The following PTPRT variants were observed in gnomAD, a reference collection of about 807,000 sequenced individuals.
The protein encoded by PTPRT is receptor-type tyrosine-protein phosphatase T.
A neutral mutation model predicts 176.8 loss-of-function variants in PTPRT; 56 were observed. The observed-to-expected ratio is 0.32, with a 90% CI of 0.26 to 0.40. The LOEUF (loss-of-function observed/expected upper bound fraction) is 0.40, where lower values mean the gene tolerates loss of function less well. PTPRT is among the 10% of genes least tolerant of loss of function. PTPRT has a pLI of 1.00. For missense variants in PTPRT, 1,540 were observed against 1,908.2 expected (o/e 0.81, Z 3.60); for synonymous variants, 783 against 739.0 (o/e 1.06, Z -0.96).
chr20:42,672,211 T>A (rs981500764), intron 7 of PTPRT, among the ~76,000 whole-genome samples: 2 of 152,202 alleles, frequency 1.3e-5, no homozygotes, highest in African/African-American at 4.8e-5. Context: ...ACCCTCAATC[T>A]GGGTGAACAC....
At chr20:42,606,500 T>C (rs6102936) in intron 7 of PTPRT, among the ~76,000 whole-genome samples, 19,681 of 152,268 alleles carry the variant, frequency 0.13, 1,341 homozygotes, top group South Asian at 0.15. Context: ...GCCATTCATA[T>C]AATACCTTTT....
At chr20:42,671,520 T>G (rs925920687) in intron 7 of PTPRT, among the ~76,000 whole-genome samples, 2 of 152,218 alleles carry the variant, frequency 1.3e-5, no homozygotes, top group African/African-American at 4.8e-5. Flanking sequence ...GCATGAACTC[T>G]GAAATGGGAT....
intron 2 of PTPRT, among the ~76,000 whole-genome samples, chr20:42,837,177 G>C (rs1222492116): frequency 3.3e-5 from 5 of 152,222 alleles, no homozygotes; most frequent in African/African-American, 1.2e-4. Flanking sequence ...CCTGGATTCA[G>C]CTCCAGTTCT....
chr20:42,218,494 T>C (rs10485688), intron 15 of PTPRT, among the ~76,000 whole-genome samples: 8,666 of 152,270 alleles, frequency 0.057, 799 homozygotes, highest in African/African-American at 0.2. Flanking sequence ...TGAATTAGAA[T>C]GAAGACTTCT....
At chr20:42,578,295 A>G (rs2073301485) in intron 7 of PTPRT, among the ~76,000 whole-genome samples, 1 of 152,116 alleles carries the variant, frequency 6.6e-6, no homozygotes, top group Non-Finnish European at 1.5e-5. Flanking sequence ...TCAATCTCCC[A>G]GTGCAGGGTA....
chr20:42,372,772 A>T (rs6072707), intron 9 of PTPRT, among the ~76,000 whole-genome samples: 27,297 of 152,066 alleles, frequency 0.18, 3,141 homozygotes, highest in East Asian at 0.38. Flanking sequence ...GACCCCAGAG[A>T]GACACCTTTC....
intron 1 of PTPRT, among the ~76,000 whole-genome samples, chr20:42,924,396 G>T (rs1979352196): frequency 6.6e-6 from 1 of 152,186 alleles, no homozygotes; most frequent in Non-Finnish European, 1.5e-5. Flanking sequence ...AGGCTGTGCA[G>T]CATTCACTAG....
At position 42,074,353 on chromosome 20, in the gene PTPRT, A is replaced by G. The variant is rs1477616992; in HGVS notation, c.*6526T>C. On this transcript the variant is annotated 3_prime_UTR_variant, in exon 31 of 31. Coordinates refer to ENST00000373187, the MANE Select transcript of PTPRT (RefSeq NM_007050.6). ...TTGTAATTTTGGTGGTTTACTTCCT[A>G]TGACCCTTTCTCCTCCACATCCAAG... 2.1e-5 allele frequency: 5 copies of G among 236,000 alleles called. No homozygotes were observed. The highest frequency in any genetic ancestry group is 1.1e-4 in the African/African-American group (5 of 45,460). The allele number at this position is 236,000 out of a possible 1,614,324, so 14.6% of individuals were successfully genotyped here.
chr20:42,176,103 G>C (rs1281615498), intron 16 of PTPRT, among the ~76,000 whole-genome samples: 1 of 152,130 alleles, frequency 6.6e-6, no homozygotes, highest in Non-Finnish European at 1.5e-5. Flanking sequence ...GCTCCATGAA[G>C]ACAGGTATCA....
Position 42,515,342 on chromosome 20 carries a change from G to T in PTPRT, c.1154-42780C>A, listed in dbSNP as rs6093668. Among the ~76,000 whole-genome samples, 1,500 of 152,170 alleles carry T rather than the reference G, an allele frequency of 9.9e-3. 25 individuals carry two copies. Among genetic ancestry groups the T allele is most frequent in the African/African-American group, 0.035 (1,439 of 41,510 alleles). The stretch of plus-strand genomic sequence containing the variant: ...TACTAAAATTACAAAAATTAGTCAG[G>T]TGTGGTGGCATGTGCCCGTAATCCC... On this transcript the variant is annotated intron_variant, in intron 7 of 30. Transcript: ENST00000373187.
At chr20:42,303,304 T>G (rs1180795340) in intron 12 of PTPRT, among the ~76,000 whole-genome samples, 1 of 152,220 alleles carries the variant, frequency 6.6e-6, no homozygotes, top group Non-Finnish European at 1.5e-5. Context: ...GTACAGCTCC[T>G]CACTATTTGT....
In PTPRT at chr20:42,617,467, G is replaced by A. The variant is rs1174699747; in HGVS notation, c.1153+60399C>T. ...TGCTGGCCTCATAAAATGAGTTAGG[G>A]AGGATTCCCTCTTTTTCTGTTGATT... On this transcript the variant is annotated intron_variant, in intron 7 of 30. Transcript: ENST00000373187. 1.5e-5 allele frequency among the ~76,000 whole-genome samples: 2 copies of A among 132,784 alleles called. 1 individual carries two copies. The highest frequency in any genetic ancestry group is 3.1e-5 in the Non-Finnish European group (2 of 64,078). The allele number at this position is 132,784 out of a possible 152,430, so 87.1% of individuals were successfully genotyped here. A position where few individuals can be genotyped will look rare whatever the true frequency, so the allele number is the denominator to read the frequency against.
intron 1 of PTPRT, among the ~76,000 whole-genome samples, chr20:43,075,960 C>T (rs1006148819): frequency 6.6e-6 from 1 of 152,158 alleles, no homozygotes; most frequent in Non-Finnish European, 1.5e-5. Flanking sequence ...CTCCAGAATT[C>T]TATGCCTTAC....
At chr20:42,565,781 T>G (rs1450789017) in intron 7 of PTPRT, among the ~76,000 whole-genome samples, 1 of 152,092 alleles carries the variant, frequency 6.6e-6, no homozygotes, top group Non-Finnish European at 1.5e-5. Context: ...GAGTGGGGTT[T>G]GAGCTCCTGC....
At chr20:42,861,943 C>A (rs897751708) in intron 2 of PTPRT, among the ~76,000 whole-genome samples, 2 of 152,146 alleles carry the variant, frequency 1.3e-5, no homozygotes, top group African/African-American at 4.8e-5. Flanking sequence ...AAGAGATAGG[C>A]AGCTGCTAGA....
chr20:42,874,883 C>G (rs906451473), intron 2 of PTPRT, among the ~76,000 whole-genome samples: 6 of 152,152 alleles, frequency 3.9e-5, no homozygotes, highest in African/African-American at 1.4e-4. Flanking sequence ...TTTATTCTTT[C>G]TTTCTTTCTT....
intron 6 of PTPRT, among the ~76,000 whole-genome samples, chr20:42,725,621 A>C (rs757987145): frequency 1.2e-4 from 18 of 152,086 alleles, no homozygotes; most frequent in Non-Finnish European, 1.6e-4. Flanking sequence ...CTATTGCTGC[A>C]GTAGCAAAGT....
At chr20:42,719,661 C>T (rs753466037) in intron 6 of PTPRT, among the ~76,000 whole-genome samples, 3 of 152,100 alleles carry the variant, frequency 2.0e-5, no homozygotes, top group Non-Finnish European at 4.4e-5. Flanking sequence ...AAGTGTTTAG[C>T]AAATAGTGAA....
In PTPRT at chr20:42,693,693, T is replaced by C. The variant is rs192173561; in HGVS notation, c.860-15534A>G. ...ACCTTCAACATTGTGCCCTACTTTA[T>C]ACTATAAACAAAGTCAATTCCAGGG... On this transcript the variant is annotated intron_variant, in intron 6 of 30. Coordinates refer to ENST00000373187, the MANE Select transcript of PTPRT (RefSeq NM_007050.6). Among the ~76,000 whole-genome samples, 276 of 152,338 alleles carry C rather than the reference T, an allele frequency of 1.8e-3. 4 individuals carry two copies. The highest frequency in any genetic ancestry group is 3.2e-3 in the Non-Finnish European group (218 of 68,028).
Sources: allele counts gnomAD v4.1 joint callset (sites outside exome capture counted in the v4.1 genomes callset), GRCh38; gene constraint gnomAD v4.1.1; transcripts MANE v1.5; gene names NCBI Gene and HGNC (gene_info 2026-07-23, HGNC 2026-07-21).